Variants in CPT2 observed in about 807,000 individuals in gnomAD.
CPT2 encodes carnitine O-palmitoyltransferase 2, mitochondrial.
CPT2 carries 37 observed loss-of-function variants against 48.6 expected under a neutral mutation model. The ratio of observed to expected loss-of-function variants is 0.76; its 90% CI spans 0.59 to 1.00. The LOEUF is 1.00. CPT2 is among the 50% of genes least tolerant of loss of function. The pLI, the probability that CPT2 is intolerant of heterozygous loss-of-function variation, is 0.00. For synonymous variants in CPT2, 319 were observed against 326.9 expected (o/e 0.98, Z 0.26); for missense variants, 772 against 825.6 (o/e 0.94, Z 0.80).
At chr1:53,200,295 G>A (rs1645346665) in intron 1 of CPT2, 1 of 184,610 alleles carries the variant, frequency 5.4e-6, no homozygotes, top group Non-Finnish European at 1.1e-5. Context: ...GTTGTAAAAT[G>A]CAGAAGAAAA....
intron 1 of CPT2, chr1:53,197,656 C>G (rs769056187): frequency 5.1e-6 from 1 of 196,462 alleles, no homozygotes; most frequent in Non-Finnish European, 1.1e-5. Flanking sequence ...AAGCACAGCC[C>G]TGAAGTGTTC....
chr1:53,213,894 C>A lies in CPT2; in HGVS notation c.*299C>A, dbSNP rs1025571889. On this transcript the variant is annotated 3_prime_UTR_variant, in exon 5 of 5. Transcript: ENST00000371486. ...TGAGCTGAGATCACACCACTGCACT[C>A]CGGCCTGGGCGACAGAGCGAGACTG... is the stretch of plus-strand genomic sequence containing the variant. 3 of 385,652 alleles carry A rather than the reference C, an allele frequency of 7.8e-6. No homozygotes were observed. Among genetic ancestry groups the A allele is most frequent in the Non-Finnish European group, 9.8e-6 (2 of 204,410 alleles). The allele number at this position is 385,652 out of a possible 1,614,324, so 23.9% of individuals were successfully genotyped here.
intron 3 of CPT2, among the ~76,000 whole-genome samples, chr1:53,206,798 A>C (rs1645392674): frequency 1.3e-5 from 2 of 152,174 alleles, no homozygotes; most frequent in Admixed American, 1.3e-4. Flanking sequence ...CTCAGATGAG[A>C]CTTTGGCTTG....
intron 3 of CPT2, among the ~76,000 whole-genome samples, chr1:53,205,771 C>A (rs1645383692): frequency 6.6e-6 from 1 of 152,226 alleles, no homozygotes; most frequent in East Asian, 1.9e-4. Context: ...CCAGCCATGG[C>A]TAAAAGGGGC....
intron 3 of CPT2, chr1:53,203,123 T>C (rs561184933): frequency 6.6e-6 from 1 of 152,602 alleles, no homozygotes; most frequent in Admixed American, 6.5e-5. Context: ...TTCCCACTTC[T>C]CACTTTCAGC....
At position 53,200,698 on chromosome 1, in the gene CPT2, C is replaced by T. The variant is rs755907881; in HGVS notation, c.153-21C>T. The T allele has an allele frequency of 3.1e-6, 5 of 1,587,546 alleles. No homozygotes were observed. In the South Asian group the frequency reaches 4.4e-5, roughly 14 times the overall value. On this transcript the variant is annotated intron_variant, in intron 1 of 4. Transcript: ENST00000371486. ...TCTTCCATATACTGTCAGCCTTACACTGACCCTGCTTTCTCCCCAGGCTGC... is the reference window on the plus strand; with the variant it reads ...TCTTCCATATACTGTCAGCCTTACATTGACCCTGCTTTCTCCCCAGGCTGC...
rs1645423838 is a variant in CPT2 at position 53,211,097 on chromosome 1, T to C, written c.1423T>C (p.Phe475Leu). 1 of 1,614,142 alleles carries C rather than the reference T, an allele frequency of 6.2e-7. No homozygotes were observed. The highest frequency in any genetic ancestry group is 2.2e-5 in the East Asian group (1 of 44,882). The change falls in exon 4 of 5, where the codon TTC becomes CTC. Residue 475 changes from phenylalanine to leucine, a missense_variant. Transcript: ENST00000371486. ...AVAQLAFQMA[F>L]LRQYGQTVAT... The stretch of plus-strand genomic sequence containing the variant: ...TGCCCAGCTGGCATTCCAGATGGCC[T>C]TCCTGCGGCAGTACGGGCAGACAGT...
rs748181550 is a variant in CPT2, at chr1:53,210,836, T to C, written c.1162T>C (p.Phe388Leu). ...AGTGCTCAGATTTTTTAATGAAGTA[T>C]TTAAAGACAGCACTCAGACCCCTGC... ...VAVLRFFNEVFKDSTQTPAVT... is the reference protein window; with the variant it reads ...VAVLRFFNEVLKDSTQTPAVT... The change falls in exon 4 of 5, where the codon TTT becomes CTT. Residue 388 changes from phenylalanine to leucine, a missense_variant. Phe to Leu is a conservative substitution (Grantham distance 22, BLOSUM62 0). Coordinates refer to ENST00000371486, the MANE Select transcript of CPT2 (RefSeq NM_000098.3). The C allele has an allele frequency of 1.2e-6, 2 of 1,614,122 alleles. No individual in the cohort carries two copies. Among genetic ancestry groups the C allele is most frequent in the Non-Finnish European group, 1.7e-6 (2 of 1,180,016 alleles).
chr1:53,197,181 T>C, intron 1 of CPT2, 86 bp downstream of exon 1: 2 of 1,490,420 alleles, frequency 1.3e-6, no homozygotes, highest in Non-Finnish European at 1.8e-6. Context: ...ACTCCTCTAG[T>C]GAACCCGTTT....
Position 53,214,110 on chromosome 1 carries a change from A to T in CPT2, c.*515A>T, listed in dbSNP as rs1273715799. The T allele has an allele frequency of 1.2e-5, 2 of 165,898 alleles. No homozygotes were observed. Among genetic ancestry groups the T allele is most frequent in the East Asian group, 3.3e-4 (2 of 6,006 alleles). 10.3% of individuals were successfully genotyped at this position (165,898 alleles called of 1,614,324 possible). A position where few individuals can be genotyped will look rare whatever the true frequency, so the allele number is the denominator to read the frequency against. The stretch of plus-strand genomic sequence containing the variant: ...AAGATAACAAGAGATTTAAGTTTTA[A>T]GGGCATTTAATCAGGAGGAAAGGTT... On this transcript the variant is annotated 3_prime_UTR_variant, in exon 5 of 5. Transcript: ENST00000371486.
rs558989892 is a variant in CPT2, at chr1:53,209,690, C to T, written c.341-325C>T. ...ACTCAGGAGGCTGAGGCAGGAGAAT[C>T]GCTTCAATCCGGGAGGCGGAGGTTG... On this transcript the variant is annotated intron_variant, in intron 3 of 4. Transcript: ENST00000371486. 11 of 337,162 alleles carry T rather than the reference C, an allele frequency of 3.3e-5. No individual in the cohort carries two copies. The East Asian group carries it at 4.9e-4, about 15-fold the overall frequency. The allele number at this position is 337,162 out of a possible 1,614,324, so 20.9% of individuals were successfully genotyped here. A position where few individuals can be genotyped will look rare whatever the true frequency, so the allele number is the denominator to read the frequency against.
Position 53,202,345 on chromosome 1 carries a change from A to G in CPT2, c.256A>G (p.Ser86Gly). 6.2e-7 allele frequency: 1 copy of G among 1,613,954 alleles called. No homozygotes were observed. The highest frequency in any genetic ancestry group is 8.5e-7 in the Non-Finnish European group (1 of 1,179,854). Residue 86 changes from serine to glycine, a missense_variant, in exon 3 of 5, where the codon AGT becomes GGT. Transcript: ENST00000371486. ...TAGGAAAACAGAACAATTTTGCAAG[A>G]GTTTTGAAAATGGGATTGGAAAAGA... ...QFRKTEQFCKSFENGIGKELH... is the reference protein window; with the variant it reads ...QFRKTEQFCKGFENGIGKELH...
At chr1:53,211,406 T>C in intron 4 of CPT2, 87 bp downstream of exon 4, 1 of 1,345,832 alleles carries the variant, frequency 7.4e-7, no homozygotes, top group Non-Finnish European at 1.0e-6. Context: ...CAAATCTGAT[T>C]TCTACCCGTT....
chr1:53,204,303 A>G lies in CPT2; in HGVS notation c.340+1874A>G, dbSNP rs1029179567. ...TTTTTCATCTCTTACTCTTTTTGTT[A>G]CATTTTCTTGGGAGACTTACTTAAT... On this transcript the variant is annotated intron_variant, in intron 3 of 4. Coordinates refer to ENST00000371486, the MANE Select transcript of CPT2 (RefSeq NM_000098.3). 2.6e-5 allele frequency: 4 copies of G among 151,606 alleles called. No homozygotes were observed. The East Asian group carries it at 5.8e-4, about 22-fold the overall frequency. 9.4% of individuals were successfully genotyped at this position (151,606 alleles called of 1,614,324 possible).
chr1:53,211,745 C>A (rs1645430064), intron 4 of CPT2, among the ~76,000 whole-genome samples: 1 of 150,248 alleles, frequency 6.7e-6, no homozygotes, highest in African/African-American at 2.5e-5. Context: ...ATAATAGGCA[C>A]CCGCCACTAC....
In CPT2 at chr1:53,211,010, G is replaced by A. The variant is rs555126720; in HGVS notation, c.1336G>A (p.Val446Ile). The A allele has an allele frequency of 4.2e-5, 67 of 1,614,166 alleles. No homozygotes were observed. The highest frequency in any genetic ancestry group is 1.6e-4 in the Middle Eastern group (1 of 6,062). The change falls in exon 4 of 5, where the codon GTC (valine) becomes ATC (isoleucine). Residue 446 changes from valine to isoleucine, a missense_variant. Transcript: ENST00000371486. The part of the protein sequence containing the change: ...ATMKTLTIDC[V>I]QFQRGGKEFL... ...CATGAAAACCCTCACTATTGACTGCGTCCAGTTTCAGAGAGGAGGCAAAGA... is the reference window on the plus strand; with the variant it reads ...CATGAAAACCCTCACTATTGACTGCATCCAGTTTCAGAGAGGAGGCAAAGA...
At chr1:53,202,108 G>C in intron 2 of CPT2, 1 of 522,694 alleles carries the variant, frequency 1.9e-6, no homozygotes, top group Non-Finnish European at 3.5e-6. Flanking sequence ...GTGAGATGTT[G>C]ATTGATTTTC....
Position 53,211,414 on chromosome 1 carries a change from G to A in CPT2, c.1645+95G>A, listed in dbSNP as rs577098230. 2.9e-5 allele frequency: 38 copies of A among 1,292,550 alleles called. No homozygotes were observed. In the African/African-American group the frequency reaches 4.1e-4, roughly 14 times the overall value. The allele number at this position is 1,292,550 out of a possible 1,614,324, so 80.1% of individuals were successfully genotyped here. On this transcript the variant is annotated intron_variant, in intron 4 of 4. Coordinates refer to ENST00000371486, the MANE Select transcript of CPT2 (RefSeq NM_000098.3). The stretch of plus-strand genomic sequence containing the variant: ...TCTACTCCAAATCTGATTTCTACCC[G>A]TTCACTAGGTTTAATCCATCGCCAA...
At position 53,210,623 on chromosome 1, in the gene CPT2, A is replaced by G. The variant is rs1341047422; in HGVS notation, c.949A>G (p.Lys317Glu). The change falls in exon 4 of 5, where the codon AAA becomes GAA. Residue 317 changes from lysine (K) to glutamate (E), a missense_variant. Physicochemically the swap from Lys to Glu is moderately conservative, Grantham distance 56 (BLOSUM62 1). Transcript: ENST00000371486. ...MSSGNEESLR[K>E]VDSAVFCLCL... ...TAGTGGCAATGAGGAGAGCCTGAGG[A>G]AAGTGGACTCGGCAGTGTTCTGTCT... 1 of 1,614,006 alleles carries G rather than the reference A, an allele frequency of 6.2e-7. No individual in the cohort carries two copies. Among genetic ancestry groups the G allele is most frequent in the African/African-American group, 1.3e-5 (1 of 74,890 alleles).
Sources: allele counts gnomAD v4.1 joint callset (sites outside exome capture counted in the v4.1 genomes callset), GRCh38; gene constraint gnomAD v4.1.1; transcripts MANE v1.5; gene names NCBI Gene and HGNC (gene_info 2026-07-23, HGNC 2026-07-21).